KCNQ5: variants seen among roughly 807,000 people sequenced by gnomAD.
KCNQ5 encodes potassium voltage-gated channel subfamily Q member 5, also known as potassium voltage-gated channel subfamily KQT member 5.
Under a neutral mutation model 98.2 loss-of-function variants are expected in KCNQ5, and 30 were observed. The observed-to-expected ratio is 0.31, with a 90% CI of 0.23 to 0.41. The LOEUF is 0.41. KCNQ5 is among the 10% of genes least tolerant of loss of function. The probability of loss-of-function intolerance (pLI) is 1.00; values close to 1 mark genes in which losing one functional copy is unlikely to be tolerated. For missense variants in KCNQ5, 835 were observed against 1,182.5 expected, an observed-to-expected ratio of 0.71 and a Z score of 4.31; for synonymous variants, 458 against 449.4, an observed-to-expected ratio of 1.02 and a Z score of -0.24.
chr6:72,742,999 A>G (rs1381112891), intron 1 of KCNQ5, among the ~76,000 whole-genome samples: 1 of 152,094 alleles, frequency 6.6e-6, no homozygotes, highest in East Asian at 1.9e-4. Context: ...GGAATACAAA[A>G]CTCTCTTTTT....
chr6:72,760,090 G>T (rs1772184968), intron 1 of KCNQ5, among the ~76,000 whole-genome samples: 1 of 152,222 alleles, frequency 6.6e-6, no homozygotes. Flanking sequence ...CTGAAGAAAT[G>T]ATTCCATACG....
At chr6:72,785,603 TCG>T (rs1343508400) in intron 1 of KCNQ5, among the ~76,000 whole-genome samples, 2 of 150,458 alleles carry the variant, frequency 1.3e-5, no homozygotes, top group African/African-American at 4.9e-5. Context: ...TGAGCCAAGA[TCG>T]CACCATTGCA....
intron 3 of KCNQ5, among the ~76,000 whole-genome samples, chr6:73,071,393 G>A (rs1453396184): frequency 6.6e-5 from 10 of 152,046 alleles, no homozygotes; most frequent in Admixed American, 5.9e-4. Context: ...AGGACTATTC[G>A]TTTCAGCATC....
At chr6:73,170,389 C>T (rs1346303701) in intron 11 of KCNQ5, among the ~76,000 whole-genome samples, 2 of 150,234 alleles carry the variant, frequency 1.3e-5, no homozygotes, top group Non-Finnish European at 3.0e-5. Flanking sequence ...TACCTAGCAA[C>T]TTAAATTTAC....
At chr6:73,098,008 A>G (rs2150411901) in intron 5 of KCNQ5, among the ~76,000 whole-genome samples, 1 of 152,276 alleles carries the variant, frequency 6.6e-6, no homozygotes, top group South Asian at 2.1e-4. Context: ...ATCCAGGAAA[A>G]CATGAGACAC....
At chr6:72,641,328 TTTA>T (rs1417702699) in intron 1 of KCNQ5, among the ~76,000 whole-genome samples, 2 of 152,210 alleles carry the variant, frequency 1.3e-5, no homozygotes, top group East Asian at 3.9e-4. Flanking sequence ...CAAAAATACA[TTTA>T]TTATTTCACA....
intron 7 of KCNQ5, 37 bp from the exon 8 acceptor site, chr6:73,120,446 T>G (rs1397118897): frequency 2.1e-6 from 3 of 1,427,508 alleles, no homozygotes; most frequent in Admixed American, 3.5e-5. Context: ...CCTGCTCTCT[T>G]TTTTCTTTTT....
In KCNQ5 at chr6:73,192,570, A is replaced by G; in HGVS notation, c.1715A>G (p.Asp572Gly). 1 of 1,608,866 alleles carries G rather than the reference A, an allele frequency of 6.2e-7. No homozygotes were observed. The highest frequency in any genetic ancestry group is 8.5e-7 in the Non-Finnish European group (1 of 1,177,506). ...ATCTCCTCTTTCTCTGATAGTGTTG[A>G]TCAAATTCTTGGAAAAGGGCAAATC... ...CRIKSLQTRV[D>G]QILGKGQITS... Residue 572 changes from aspartate to glycine, a missense_variant, in exon 13 of 14, where the codon GAT becomes GGT. By Grantham distance (94) the Asp-to-Gly change is moderately conservative (BLOSUM62 -1). This residue lies in a region of KCNQ5 where 416 missense variants were observed against 446.9 expected (regional missense o/e 0.93). Transcript: ENST00000370398.
chr6:72,988,510 A>G (rs1768924875), intron 1 of KCNQ5, among the ~76,000 whole-genome samples: 1 of 152,082 alleles, frequency 6.6e-6, no homozygotes, highest in South Asian at 2.1e-4. Flanking sequence ...ACTAGAGGGG[A>G]GGGGAAGGAG....
intron 1 of KCNQ5, among the ~76,000 whole-genome samples, chr6:72,931,645 G>A (rs1436337239): frequency 1.3e-5 from 2 of 152,184 alleles, no homozygotes; most frequent in Non-Finnish European, 2.9e-5. Flanking sequence ...ACCAAAAGGC[G>A]AGGAACTAGT....
chr6:73,128,475 T>A (rs1389757691), intron 9 of KCNQ5, among the ~76,000 whole-genome samples: 1 of 152,270 alleles, frequency 6.6e-6, no homozygotes, highest in Non-Finnish European at 1.5e-5. Context: ...AAGCCAATAT[T>A]CTCACCTTGA....
chr6:72,797,903 A>G (rs1030577532), intron 1 of KCNQ5, among the ~76,000 whole-genome samples: 5 of 152,222 alleles, frequency 3.3e-5, no homozygotes, highest in Non-Finnish European at 7.3e-5. Flanking sequence ...TTATGAATTA[A>G]TTCTTAAATG....
chr6:72,843,180 C>T (rs1171022154), intron 1 of KCNQ5, among the ~76,000 whole-genome samples: 1 of 152,148 alleles, frequency 6.6e-6, no homozygotes, highest in Non-Finnish European at 1.5e-5. Context: ...GGAAGGGGTT[C>T]AGTTTCAGTT....
At chr6:72,729,381 G>C (rs1770443250) in intron 1 of KCNQ5, among the ~76,000 whole-genome samples, 1 of 152,158 alleles carries the variant, frequency 6.6e-6, no homozygotes, top group African/African-American at 2.4e-5. Context: ...TCTGCCTCCT[G>C]GGTTCAAGCG....
At position 73,120,669 on chromosome 6, in the gene KCNQ5, G is replaced by A. The variant is rs560709843; in HGVS notation, c.1220+92G>A. On this transcript the variant is annotated intron_variant, in intron 8 of 13. Coordinates refer to ENST00000370398, the MANE Select transcript of KCNQ5 (RefSeq NM_019842.4). ...CACACACACAAAAAAAGGTGTTAAT[G>A]TTTGGCTTCTCTTATTCTCTGTTGC... 9.5e-6 allele frequency: 7 copies of A among 739,414 alleles called. No homozygotes were observed. The Admixed American group carries it at 1.3e-4, about 14-fold the overall frequency. The allele number at this position is 739,414 out of a possible 1,614,324, so 45.8% of individuals were successfully genotyped here.
chr6:72,753,487 T>A (rs1771789495), intron 1 of KCNQ5, among the ~76,000 whole-genome samples: 1 of 152,130 alleles, frequency 6.6e-6, no homozygotes, highest in Non-Finnish European at 1.5e-5. Context: ...ATAGTAAGTG[T>A]ATATTCAACT....
At chr6:72,852,365 C>T (rs1429878708) in intron 1 of KCNQ5, among the ~76,000 whole-genome samples, 4 of 151,408 alleles carry the variant, frequency 2.6e-5, no homozygotes, top group Non-Finnish European at 5.9e-5. Flanking sequence ...ACCTATGTGC[C>T]CATCAATGGA....
intron 7 of KCNQ5, among the ~76,000 whole-genome samples, chr6:73,112,641 G>A (rs887184481): frequency 6.6e-6 from 1 of 152,102 alleles, no homozygotes; most frequent in Non-Finnish European, 1.5e-5. Context: ...CACGGCTCCC[G>A]GCCACAAGCA....
intron 11 of KCNQ5, among the ~76,000 whole-genome samples, chr6:73,189,180 C>G (rs930532378): frequency 2.0e-5 from 3 of 151,952 alleles, no homozygotes; most frequent in Middle Eastern, 3.2e-3. Flanking sequence ...CAATTTGGAA[C>G]CAAAGCTCAA....
Sources: gnomAD v4.1 joint callset for allele counts (sites outside exome capture counted in the v4.1 genomes callset) on GRCh38, gnomAD v4.1.1 for gene constraint, gnomAD v4.1.1 regional missense constraint, MANE v1.5 for transcripts, NCBI Gene and HGNC (gene_info 2026-07-23, HGNC 2026-07-21) for gene names.